DIP2C: variants seen among roughly 807,000 people sequenced by gnomAD.
DIP2C encodes the protein DIP2 acetate--CoA ligase C (putative).
DIP2C carries 33 observed loss-of-function variants against 192.4 expected under a neutral mutation model. That is an observed-to-expected ratio of 0.17 (90% CI 0.13 to 0.23). DIP2C has a LOEUF of 0.23. Ranked by LOEUF, DIP2C falls within the 10% of genes least tolerant of loss-of-function variation. DIP2C has a pLI of 1.00. For synonymous variants in DIP2C, 979 were observed against 864.1 expected (o/e 1.13, Z -2.33); for missense variants, 1,537 against 2,110.1 (o/e 0.73, Z 5.32).
intron 9 of DIP2C, among the ~76,000 whole-genome samples, chr10:401,699 A>C (rs1398572679): frequency 6.7e-6 from 1 of 148,672 alleles, no homozygotes; most frequent in African/African-American, 2.5e-5. Context: ...ACTCTTCCTT[A>C]TGGACAAGTT....
chr10:444,109 T>C (rs1412958068), intron 3 of DIP2C, among the ~76,000 whole-genome samples: 1 of 152,142 alleles, frequency 6.6e-6, no homozygotes, highest in Non-Finnish European at 1.5e-5. Context: ...CTCGTGTAGA[T>C]TCCCCATCGT....
At chr10:439,421 A>AAAC (rs199755788) in intron 4 of DIP2C, among the ~76,000 whole-genome samples, 1 of 135,682 alleles carries the variant, frequency 7.4e-6, no homozygotes, top group South Asian at 2.2e-4. Flanking sequence ...TGTAAATGAA[A>AAAC]AACAACAACA....
At chr10:331,741 C>T (rs533658570) in intron 29 of DIP2C, among the ~76,000 whole-genome samples, 2 of 152,262 alleles carry the variant, frequency 1.3e-5, no homozygotes, top group East Asian at 3.9e-4. Context: ...CACCGAGGGA[C>T]GACTTTCTAG....
chr10:518,905 A>T (rs577177535), intron 1 of DIP2C, among the ~76,000 whole-genome samples: 1 of 152,354 alleles, frequency 6.6e-6, no homozygotes, highest in East Asian at 1.9e-4. Context: ...CAGCCCCTCG[A>T]CGTCAGTCTG....
At chr10:501,584 GA>G (rs1019710102) in intron 1 of DIP2C, among the ~76,000 whole-genome samples, 7 of 151,732 alleles carry the variant, frequency 4.6e-5, no homozygotes, top group East Asian at 1.9e-4. Flanking sequence ...CATTTAAAAT[GA>G]AAAAAAGGTC....
chr10:399,335 G>A (rs1964232822), intron 9 of DIP2C, 116 bp from the exon 10 acceptor site: 2 of 708,034 alleles, frequency 2.8e-6, no homozygotes, highest in African/African-American at 3.5e-5. Context: ...CAGATCCTAT[G>A]TAAAATGCAT....
At chr10:345,600 A>G (rs75875421) in intron 26 of DIP2C, among the ~76,000 whole-genome samples, 83 of 129,376 alleles carry the variant, frequency 6.4e-4, no homozygotes, top group Non-Finnish European at 6.9e-4. Context: ...GTTCTCCCGG[A>G]AACCCCACAC....
At chr10:515,675 G>A (rs937132108) in intron 1 of DIP2C, among the ~76,000 whole-genome samples, 3 of 152,078 alleles carry the variant, frequency 2.0e-5, no homozygotes, top group African/African-American at 7.3e-5. Flanking sequence ...GGTGAGCCAA[G>A]ATCGCATCAC....
At chr10:420,218 C>A (rs370358775) in intron 5 of DIP2C, among the ~76,000 whole-genome samples, 1 of 152,214 alleles carries the variant, frequency 6.6e-6, no homozygotes, top group African/African-American at 2.4e-5. Flanking sequence ...ATCAACTGAA[C>A]GCACAAAAAC....
At chr10:388,774 C>T (rs542676681) in intron 13 of DIP2C, among the ~76,000 whole-genome samples, 4 of 152,348 alleles carry the variant, frequency 2.6e-5, no homozygotes, top group African/African-American at 9.6e-5. Context: ...CATTCCACAG[C>T]GGAGCGGCAG....
intron 32 of DIP2C, among the ~76,000 whole-genome samples, chr10:291,010 C>G (rs1349046592): frequency 6.6e-6 from 1 of 152,206 alleles, no homozygotes; most frequent in Non-Finnish European, 1.5e-5. Context: ...TGCCCCAGGG[C>G]TCTGCCAGGC....
intron 31 of DIP2C, among the ~76,000 whole-genome samples, chr10:316,744 G>C (rs1267694022): frequency 1.3e-5 from 2 of 152,210 alleles, no homozygotes; most frequent in Non-Finnish European, 2.9e-5. Context: ...GTGCCTCAGA[G>C]AAAATGCATC....
chr10:464,948 T>C (rs1255427728), intron 3 of DIP2C, among the ~76,000 whole-genome samples: 1 of 151,110 alleles, frequency 6.6e-6, no homozygotes, highest in Non-Finnish European at 1.5e-5. Context: ...AGCCGAATTC[T>C]ACCAGAGGTA....
At chr10:424,120 A>G (rs1234953179) in intron 4 of DIP2C, among the ~76,000 whole-genome samples, 1 of 152,198 alleles carries the variant, frequency 6.6e-6, no homozygotes, top group African/African-American at 2.4e-5. Context: ...TCCTACCTCC[A>G]GGTGAGTTAT....
intron 1 of DIP2C, among the ~76,000 whole-genome samples, chr10:543,288 C>T (rs12252141): frequency 0.21 from 32,370 of 152,240 alleles, 5,924 homozygotes; most frequent in African/African-American, 0.5. Context: ...GGGCAAGTGT[C>T]TGTGCAGGTG....
chr10:509,160 G>GT (rs1162247321), intron 1 of DIP2C, among the ~76,000 whole-genome samples: 2 of 152,122 alleles, frequency 1.3e-5, no homozygotes, highest in Admixed American at 1.3e-4. Context: ...GGGTCGATTG[G>GT]TTTTTTAGAC....
intron 1 of DIP2C, among the ~76,000 whole-genome samples, chr10:593,336 A>C (rs1851511627): frequency 6.6e-6 from 1 of 152,092 alleles, no homozygotes; most frequent in Non-Finnish European, 1.5e-5. Flanking sequence ...CGTTTACCCC[A>C]GAGAGTCCCA....
At chr10:524,630 A>C (rs1203284299) in intron 1 of DIP2C, among the ~76,000 whole-genome samples, 1 of 152,224 alleles carries the variant, frequency 6.6e-6, no homozygotes, top group Admixed American at 6.5e-5. Flanking sequence ...ACATTCTTGC[A>C]AACAAAACAT....
At chr10:415,953 CCA>C in intron 6 of DIP2C, 65 bp from the exon 7 acceptor site, 1 of 1,602,976 alleles carries the variant, frequency 6.2e-7, no homozygotes, top group Non-Finnish European at 8.5e-7. Context: ...ACCCACAGTC[CCA>C]CAGTCCCACA....
Sources: allele counts gnomAD v4.1 joint callset (sites outside exome capture counted in the v4.1 genomes callset), GRCh38; gene constraint gnomAD v4.1.1; transcripts MANE v1.5; gene names NCBI Gene and HGNC (gene_info 2026-07-23, HGNC 2026-07-21).